The following TAOK3 variants were observed in gnomAD, a reference collection of about 807,000 sequenced individuals.
TAOK3 encodes TAO kinase 3.
Under a neutral mutation model 120.4 loss-of-function variants are expected in TAOK3, and 40 were observed. That is an observed-to-expected ratio of 0.33 (90% CI 0.26 to 0.43). TAOK3 has a LOEUF of 0.43. TAOK3 is among the 20% of genes least tolerant of loss of function. The pLI, the probability that TAOK3 is intolerant of heterozygous loss-of-function variation, is 1.00. For synonymous variants in TAOK3, 355 were observed against 387.5 expected (o/e 0.92, Z 0.99); for missense variants, 821 against 1,112.1 (o/e 0.74, Z 3.72).
At position 118,238,137 on chromosome 12, in the gene TAOK3, C is replaced by T. The variant is rs749911285; in HGVS notation, c.373G>A (p.Ala125Thr). ...HKKPLQEVEI[A>T]AITHGALHGL... ...TGCAAGGCTCCATGAGTAATGGCAG[C>T]GATCTCCACTTCCTGAAGTGGTTTT... Residue 125 changes from alanine (A) to threonine (T), a missense_variant, in exon 7 of 21, where the codon GCT becomes ACT. By Grantham distance (58) the Ala-to-Thr change is moderately conservative. This residue lies in a region of TAOK3 where 467 missense variants were observed against 540.0 expected (regional missense o/e 0.86). Transcript: ENST00000392533. 1.3e-5 allele frequency: 21 copies of T among 1,609,414 alleles called. No homozygotes were observed. Among genetic ancestry groups the T allele is most frequent in the East Asian group, 2.2e-5 (1 of 44,772 alleles).
chr12:118,171,403 C>T (rs2035986243), intron 17 of TAOK3, among the ~76,000 whole-genome samples: 2 of 152,230 alleles, frequency 1.3e-5, no homozygotes, highest in African/African-American at 4.8e-5. Context: ...ATCACCCAGG[C>T]TGGAGTGCAG....
intron 1 of TAOK3, among the ~76,000 whole-genome samples, chr12:118,269,211 G>C (rs2041594507): frequency 6.7e-6 from 1 of 148,964 alleles, no homozygotes; most frequent in Admixed American, 6.7e-5. Context: ...GCCCAGGCTG[G>C]AGTACAGTGG....
intron 1 of TAOK3, among the ~76,000 whole-genome samples, chr12:118,290,723 G>C (rs1195623752): frequency 6.6e-6 from 1 of 152,094 alleles, no homozygotes; most frequent in Non-Finnish European, 1.5e-5. Flanking sequence ...GTTCCACCAT[G>C]CCTGGCTAAT....
At chr12:118,219,082 G>A (rs1478148835) in intron 9 of TAOK3, among the ~76,000 whole-genome samples, 1 of 152,162 alleles carries the variant, frequency 6.6e-6, no homozygotes, top group Non-Finnish European at 1.5e-5. Context: ...TCATTATCAT[G>A]GGACTGGCTA....
At chr12:118,343,296 G>A (rs1438567245) in intron 1 of TAOK3, among the ~76,000 whole-genome samples, 5 of 151,602 alleles carry the variant, frequency 3.3e-5, no homozygotes, top group Non-Finnish European at 5.9e-5. Context: ...GCATGATGGC[G>A]GGTGCCTGTA....
chr12:118,358,828 CAG>C (rs969840553), intron 1 of TAOK3: 10 of 152,136 alleles, frequency 6.6e-5, no homozygotes, highest in Admixed American at 2.0e-4. Flanking sequence ...TGAAATTCAA[CAG>C]AGTTTACTCA....
intron 1 of TAOK3, among the ~76,000 whole-genome samples, chr12:118,354,287 C>T (rs1486339131): frequency 6.6e-6 from 1 of 152,150 alleles, no homozygotes; most frequent in Admixed American, 6.5e-5. Flanking sequence ...TAGTTGAACA[C>T]AAGCACTGAG....
intron 9 of TAOK3, among the ~76,000 whole-genome samples, chr12:118,229,409 T>A (rs775917588): frequency 2.6e-5 from 4 of 152,110 alleles, no homozygotes; most frequent in Non-Finnish European, 5.9e-5. Flanking sequence ...CAGCTTTTTC[T>A]TTTTCAGAAA....
intron 5 of TAOK3, among the ~76,000 whole-genome samples, chr12:118,241,814 T>G (rs1462197669): frequency 1.3e-5 from 2 of 152,156 alleles, no homozygotes; most frequent in Non-Finnish European, 2.9e-5. Context: ...CTATATAATC[T>G]AAGAATAAAC....
chr12:118,308,767 T>C (rs2043145525), intron 1 of TAOK3, among the ~76,000 whole-genome samples: 1 of 151,632 alleles, frequency 6.6e-6, no homozygotes, highest in East Asian at 2.0e-4. Flanking sequence ...CTGTCTCTAC[T>C]AAAAATACAA....
chr12:118,194,618 T>TC (rs2037612391), intron 13 of TAOK3, among the ~76,000 whole-genome samples: 1 of 150,756 alleles, frequency 6.6e-6, no homozygotes. Flanking sequence ...ATTTCTTTTT[T>TC]TTTTTTTTTT....
At chr12:118,209,492 T>C (rs748883243) in intron 11 of TAOK3, among the ~76,000 whole-genome samples, 2 of 152,056 alleles carry the variant, frequency 1.3e-5, no homozygotes, top group Admixed American at 1.3e-4. Context: ...AACCTCCTAG[T>C]TGATCAAGCG....
At chr12:118,179,598 A>G (rs795481) in intron 15 of TAOK3, among the ~76,000 whole-genome samples, 71,083 of 151,514 alleles carry the variant, frequency 0.47, 17,432 homozygotes, top group Non-Finnish European at 0.54. Flanking sequence ...AAAGCATAAT[A>G]ATAATAAAAA....
intron 1 of TAOK3, among the ~76,000 whole-genome samples, chr12:118,270,311 T>C (rs1054253125): frequency 1.1e-4 from 17 of 152,198 alleles, no homozygotes; most frequent in African/African-American, 3.6e-4. Flanking sequence ...CTTTTCCTCT[T>C]ACAGCCTCTA....
intron 13 of TAOK3, among the ~76,000 whole-genome samples, chr12:118,193,756 TAC>T (rs2037559333): frequency 6.6e-6 from 1 of 152,160 alleles, no homozygotes; most frequent in African/African-American, 2.4e-5. Context: ...GCTACTTGCC[TAC>T]AGTTTCTAAA....
rs200568056 is a variant in TAOK3 at position 118,307,945 on chromosome 12, CT to C, written c.-193-41187del. ...GTTCCCAATAGCTGCTTAAAATAAG[CT>C]GTTGGCAAGTTTGACTACTTTTTTT... is the stretch of plus-strand genomic sequence containing the variant. On this transcript the variant is annotated intron_variant, in intron 1 of 20. Coordinates refer to ENST00000392533, the MANE Select transcript of TAOK3 (RefSeq NM_016281.4). Among the ~76,000 whole-genome samples, 61 of 151,428 alleles carry C rather than the reference CT, an allele frequency of 4.0e-4. No individual in the cohort carries two copies. The East Asian group carries it at 0.011, about 28-fold the overall frequency.
chr12:118,234,474 G>A (rs1269264761), intron 8 of TAOK3, among the ~76,000 whole-genome samples: 1 of 152,002 alleles, frequency 6.6e-6, no homozygotes, highest in Non-Finnish European at 1.5e-5. Context: ...TCGATCTCCT[G>A]ACCTCGTGAT....
chr12:118,350,521 C>T (rs902601773), intron 1 of TAOK3, among the ~76,000 whole-genome samples: 2 of 152,092 alleles, frequency 1.3e-5, no homozygotes, highest in Non-Finnish European at 2.9e-5. Flanking sequence ...TGTTGTTGTC[C>T]ATCCTATGGA....
At position 118,370,175 on chromosome 12, in the gene TAOK3, G is replaced by A. The variant is rs555289830; in HGVS notation, c.-194+2473C>T. Among the ~76,000 whole-genome samples, 6 of 152,290 alleles carry A rather than the reference G, an allele frequency of 3.9e-5. No homozygotes were observed. The South Asian group carries it at 1.0e-3, about 26-fold the overall frequency. ...GGTGTGAGCCACCGCGCCTGGCCAT[G>A]TTAGTGGAATTTTCATAACCACATC... On this transcript the variant is annotated intron_variant, in intron 1 of 20. Coordinates refer to ENST00000392533, the MANE Select transcript of TAOK3 (RefSeq NM_016281.4).
Sources: gnomAD v4.1 joint callset for allele counts (sites outside exome capture counted in the v4.1 genomes callset) on GRCh38, gnomAD v4.1.1 for gene constraint, gnomAD v4.1.1 regional missense constraint, MANE v1.5 for transcripts, NCBI Gene and HGNC (gene_info 2026-07-23, HGNC 2026-07-21) for gene names.